The following AKAP6 variants were observed in gnomAD, a reference collection of about 807,000 sequenced individuals.
The protein encoded by AKAP6 is A-kinase anchoring protein 6.
A neutral mutation model predicts 188.5 loss-of-function variants in AKAP6; 58 were observed. That is an observed-to-expected ratio of 0.31 (90% CI 0.25 to 0.38). The LOEUF is 0.38. Ranked by LOEUF, AKAP6 falls within the 10% of genes least tolerant of loss-of-function variation. The pLI is 1.00. For missense variants in AKAP6, 2,710 were observed against 2,740.0 expected (o/e 0.99, Z 0.24); for synonymous variants, 989 against 998.6 (o/e 0.99, Z 0.18).
intron 5 of AKAP6, among the ~76,000 whole-genome samples, chr14:32,586,053 T>A (rs1885229763): frequency 1.3e-5 from 2 of 152,070 alleles, no homozygotes; most frequent in Admixed American, 1.3e-4. Flanking sequence ...GGGGGTAGGG[T>A]CAGCCTTCAT....
intron 12 of AKAP6, among the ~76,000 whole-genome samples, chr14:32,791,878 A>G (rs1594949824): frequency 6.6e-6 from 1 of 152,106 alleles, no homozygotes; most frequent in African/African-American, 2.4e-5. Flanking sequence ...TATATAGGGA[A>G]TCCTTTCCCC....
At chr14:32,406,398 C>G (rs756568530) in intron 1 of AKAP6, among the ~76,000 whole-genome samples, 1 of 152,024 alleles carries the variant, frequency 6.6e-6, no homozygotes, top group Non-Finnish European at 1.5e-5. Flanking sequence ...TTAGTAGAGA[C>G]GGGGTTTCCC....
intron 11 of AKAP6, among the ~76,000 whole-genome samples, chr14:32,747,504 G>A (rs947116872): frequency 2.0e-5 from 3 of 151,992 alleles, no homozygotes; most frequent in South Asian, 2.1e-4. Flanking sequence ...TATTAACCAC[G>A]TATATCCATC....
intron 12 of AKAP6, among the ~76,000 whole-genome samples, chr14:32,805,810 C>A (rs1047090067): frequency 1.3e-5 from 2 of 152,044 alleles, no homozygotes; most frequent in Non-Finnish European, 2.9e-5. Flanking sequence ...GGTAAGTTTG[C>A]AGAATATCAA....
chr14:32,437,120 T>G (rs1890406325), intron 2 of AKAP6, among the ~76,000 whole-genome samples: 3 of 152,190 alleles, frequency 2.0e-5, no homozygotes, highest in Admixed American at 2.0e-4. Context: ...GGTTTGTTCT[T>G]GTCTGACAGC....
intron 7 of AKAP6, among the ~76,000 whole-genome samples, chr14:32,601,102 A>G (rs769542073): frequency 3.9e-5 from 6 of 152,200 alleles, no homozygotes; most frequent in Non-Finnish European, 8.8e-5. Flanking sequence ...TTTAACATGA[A>G]TAATCAGAAT....
chr14:32,465,330 T>C (rs1878344821), intron 2 of AKAP6, among the ~76,000 whole-genome samples: 1 of 151,928 alleles, frequency 6.6e-6, no homozygotes. Context: ...GCTACCTGAC[T>C]TCAAACTATA....
rs1284040260 is a variant in AKAP6, at chr14:32,830,953, A to G, written c.*1148A>G. The G allele has an allele frequency of 6.6e-6, 1 of 152,226 alleles. No homozygotes were observed. The highest frequency in any genetic ancestry group is 1.9e-4 in the East Asian group (1 of 5,198). The allele number at this position is 152,226 out of a possible 1,614,324, so 9.4% of individuals were successfully genotyped here. A position where few individuals can be genotyped will look rare whatever the true frequency, so the allele number is the denominator to read the frequency against. The stretch of plus-strand genomic sequence containing the variant: ...TACCTAAACTAGAGACTAGACGTAA[A>G]GCCTTCAGTTTTCAAAATCTTTCTG... On this transcript the variant is annotated 3_prime_UTR_variant, in exon 14 of 14. Transcript: ENST00000280979.
At chr14:32,353,070 T>C (rs1010264558) in intron 1 of AKAP6, among the ~76,000 whole-genome samples, 29 of 152,318 alleles carry the variant, frequency 1.9e-4, no homozygotes, top group African/African-American at 7.0e-4. Context: ...TTTTGTCTTT[T>C]TGATAATAGC....
chr14:32,428,542 C>A (rs925297811), intron 1 of AKAP6, among the ~76,000 whole-genome samples: 2 of 151,960 alleles, frequency 1.3e-5, no homozygotes, highest in Non-Finnish European at 2.9e-5. Flanking sequence ...TCCTGAAGGG[C>A]CGTTAGGGAA....
intron 9 of AKAP6, among the ~76,000 whole-genome samples, chr14:32,711,040 G>T (rs988405100): frequency 6.6e-6 from 1 of 151,984 alleles, no homozygotes; most frequent in African/African-American, 2.4e-5. Context: ...GAAAATGTTC[G>T]CTAATCCCTG....
chr14:32,655,726 GA>G (rs1234442250), intron 7 of AKAP6, among the ~76,000 whole-genome samples: 3 of 152,150 alleles, frequency 2.0e-5, no homozygotes, highest in African/African-American at 7.2e-5. Context: ...TTCTATTTGG[GA>G]GCTGGTGATA....
intron 7 of AKAP6, among the ~76,000 whole-genome samples, chr14:32,648,398 A>G (rs1888069913): frequency 2.0e-5 from 3 of 152,108 alleles, no homozygotes; most frequent in Admixed American, 1.3e-4. Context: ...TCATTTTCAG[A>G]ATTGCCTTTT....
chr14:32,396,944 GACAA>G (rs1888897537), intron 1 of AKAP6, among the ~76,000 whole-genome samples: 1 of 152,220 alleles, frequency 6.6e-6, no homozygotes, highest in Admixed American at 6.5e-5. Context: ...CAAACAAACA[GACAA>G]ACAAAAACAC....
chr14:32,469,688 A>G (rs530657371), intron 2 of AKAP6, among the ~76,000 whole-genome samples: 1 of 94,804 alleles, frequency 1.1e-5, no homozygotes, highest in East Asian at 2.4e-4. Context: ...TTTTTTTTTG[A>G]GATCTGATAT....
Position 32,468,895 on chromosome 14 carries a change from CTGTTT to C in AKAP6, c.324+35080_324+35084del, listed in dbSNP as rs559316217. ...TTCTAGGATACTGATTTTAGAGCAT[CTGTTT>C]TAAGTGATTATTAATAATATATGAA... On this transcript the variant is annotated intron_variant, in intron 2 of 13. Coordinates refer to ENST00000280979, the MANE Select transcript of AKAP6 (RefSeq NM_004274.5). 2.6e-4 allele frequency among the ~76,000 whole-genome samples: 39 copies of C among 152,212 alleles called. 1 individual carries two copies. The South Asian group carries it at 3.9e-3, about 15-fold the overall frequency.
chr14:32,378,676 G>C (rs1205512405), intron 1 of AKAP6, among the ~76,000 whole-genome samples: 1 of 152,158 alleles, frequency 6.6e-6, no homozygotes, highest in African/African-American at 2.4e-5. Context: ...TTATTTTCTA[G>C]TGTTACAAAG....
rs537589336 is a variant in AKAP6, at chr14:32,681,549, G to A, written c.2879+3090G>A. Among the ~76,000 whole-genome samples the A allele has an allele frequency of 3.4e-4, 52 of 152,126 alleles. No individual in the cohort carries two copies. In the South Asian group the frequency reaches 0.011, roughly 31 times the overall value. ...CCATACTGTATGAAATTTGAACTAA[G>A]GTATCTTCCTACTATGGAGAAATGG... On this transcript the variant is annotated intron_variant, in intron 8 of 13. Coordinates refer to ENST00000280979, the MANE Select transcript of AKAP6 (RefSeq NM_004274.5).
At chr14:32,786,296 A>ATTTTTTTTTTTT in intron 12 of AKAP6, among the ~76,000 whole-genome samples, 8 of 93,702 alleles carry the variant, frequency 8.5e-5, no homozygotes, top group South Asian at 3.7e-4. Flanking sequence ...CTAAACCTTT[A>ATTTTTTTTTTTT]TCTTTTTTTT....
Sources: allele counts gnomAD v4.1 joint callset (sites outside exome capture counted in the v4.1 genomes callset), GRCh38; gene constraint gnomAD v4.1.1; transcripts MANE v1.5; gene names NCBI Gene and HGNC (gene_info 2026-07-23, HGNC 2026-07-21).